The following ETS1 variants were observed in gnomAD, a reference collection of about 807,000 sequenced individuals.
ETS1 encodes ETS proto-oncogene 1, transcription factor, also known as protein C-ets-1.
ETS1 carries 15 observed loss-of-function variants against 58.6 expected under a neutral mutation model. The observed-to-expected ratio is 0.26, with a 90% CI of 0.17 to 0.39. The LOEUF is 0.39. Among genes scored for constraint, ETS1 ranks in the 10% least tolerant of loss-of-function variants. The pLI, the probability that ETS1 is intolerant of heterozygous loss-of-function variation, is 1.00. For missense variants in ETS1, 417 were observed against 610.5 expected, an observed-to-expected ratio of 0.68 and a Z score of 3.34; for synonymous variants, 214 against 218.2, an observed-to-expected ratio of 0.98 and a Z score of 0.17.
chr11:128,523,986 C>T (rs777125559), intron 3 of ETS1, among the ~76,000 whole-genome samples: 36 of 151,834 alleles, frequency 2.4e-4, no homozygotes, highest in Non-Finnish European at 4.6e-4. Flanking sequence ...AAGAAGTGAA[C>T]AAATCTAGAG....
chr11:128,486,637 C>T (rs1024714837), intron 5 of ETS1, among the ~76,000 whole-genome samples: 1 of 152,190 alleles, frequency 6.6e-6, no homozygotes, highest in Non-Finnish European at 1.5e-5. Flanking sequence ...TTGTATTTTT[C>T]CCATTGCCCT....
rs1013593204 is a variant in ETS1 at position 128,464,535 on chromosome 11, G to A, written c.1124-908C>T. Among the ~76,000 whole-genome samples the A allele has an allele frequency of 6.6e-6, 1 of 152,028 alleles. No homozygotes were observed. Among genetic ancestry groups the A allele is most frequent in the South Asian group, 2.1e-4 (1 of 4,812 alleles). On this transcript the variant is annotated intron_variant, in intron 8 of 9. Transcript: ENST00000392668. The surrounding 1 kb of genome is among the most constrained non-coding windows in gnomAD (Gnocchi z 4.1). ...CAGTGATTCTTAATTTATAGGTGTC[G>A]GTGGAGAGACAAATAGGGGTTCAAA...
At chr11:128,487,891 T>C (rs971073874) in intron 5 of ETS1, among the ~76,000 whole-genome samples, 11 of 148,670 alleles carry the variant, frequency 7.4e-5, no homozygotes, top group African/African-American at 2.7e-4. Flanking sequence ...ATCTCACAGT[T>C]ATTTTGATAA....
intron 6 of ETS1, 146 bp downstream of exon 6, chr11:128,485,923 T>C (rs1384202871): frequency 1.7e-6 from 1 of 602,656 alleles, no homozygotes; most frequent in Non-Finnish European, 3.0e-6. Context: ...TGGAAAATAA[T>C]AAAATAAAGT....
chr11:128,523,939 A>G (rs1162603553), intron 3 of ETS1, among the ~76,000 whole-genome samples: 3 of 152,200 alleles, frequency 2.0e-5, no homozygotes, highest in African/African-American at 7.2e-5. Context: ...AGGTTCTTGA[A>G]TCAATTCTGC....
At chr11:128,517,020 T>C (rs1238383019) in intron 3 of ETS1, among the ~76,000 whole-genome samples, 2 of 152,174 alleles carry the variant, frequency 1.3e-5, no homozygotes, top group African/African-American at 2.4e-5. Flanking sequence ...TGGAAGACGT[T>C]GCAAAAACAA....
chr11:128,522,462 G>A (rs1863710994), intron 3 of ETS1: 1 of 547,098 alleles, frequency 1.8e-6, no homozygotes, highest in East Asian at 1.5e-4. Flanking sequence ...GGGGCAGGGC[G>A]GGGAGCCGGG....
intron 2 of ETS1, among the ~76,000 whole-genome samples, chr11:128,569,318 C>CTTTGTTTTTTTTTTTTTTTTTTTTTT (rs1864575062): frequency 2.5e-5 from 1 of 39,460 alleles, no homozygotes; most frequent in Non-Finnish European, 4.5e-5. Context: ...AGAGTTTCTT[C>CTTTGTTTTTTTTTTTTTTTTTTTTTT]TTTTTTTTTT....
At chr11:128,557,055 G>C (rs1291421622) in intron 2 of ETS1, among the ~76,000 whole-genome samples, 1 of 152,148 alleles carries the variant, frequency 6.6e-6, no homozygotes, top group Non-Finnish European at 1.5e-5. Flanking sequence ...TACTCTCTAA[G>C]GAAGACAGAT....
chr11:128,585,193 G>GGAAAGAAAGAAA (rs764608182), intron 1 of ETS1, among the ~76,000 whole-genome samples: 380 of 15,676 alleles, frequency 0.024, 34 homozygotes, highest in East Asian at 0.12. Flanking sequence ...AAAGAAGGAA[G>GGAAAGAAAGAAA]GAAAGAAAGA....
chr11:128,501,550 T>C (rs1251332401), intron 3 of ETS1, among the ~76,000 whole-genome samples: 1 of 152,252 alleles, frequency 6.6e-6, no homozygotes, highest in African/African-American at 2.4e-5. Flanking sequence ...TTAGCCATCA[T>C]TCTCAGCTTT....
intron 5 of ETS1, 28 bp from the exon 6 acceptor site, chr11:128,486,174 A>G (rs1862627292): frequency 1.4e-6 from 2 of 1,416,374 alleles, no homozygotes; most frequent in Non-Finnish European, 2.0e-6. Context: ...GGAAGGAACA[A>G]AGAGGTCAAT....
chr11:128,522,484 G>A (rs929401019), intron 3 of ETS1: 37 of 418,254 alleles, frequency 8.8e-5, no homozygotes, highest in Non-Finnish European at 1.2e-4. Flanking sequence ...GCGGGGCCGA[G>A]CACCGCGGCC....
At chr11:128,468,858 T>C (rs1255718082) in intron 8 of ETS1, among the ~76,000 whole-genome samples, 1 of 152,212 alleles carries the variant, frequency 6.6e-6, no homozygotes, top group Non-Finnish European at 1.5e-5. Context: ...CAAAAAATTC[T>C]TTGCTGTTGA....
intron 3 of ETS1, among the ~76,000 whole-genome samples, chr11:128,498,253 T>TA (rs950044918): frequency 1.4e-4 from 21 of 150,708 alleles, no homozygotes; most frequent in African/African-American, 2.4e-4. Context: ...TATAAAGACT[T>TA]AAAAAAAAAG....
At chr11:128,503,997 A>G (rs2135486577) in intron 3 of ETS1, among the ~76,000 whole-genome samples, 1 of 152,346 alleles carries the variant, frequency 6.6e-6, no homozygotes, top group East Asian at 1.9e-4. Flanking sequence ...GGCCCCACAC[A>G]GTGCAGTAAA....
intron 3 of ETS1, chr11:128,526,630 C>T (rs1565397689): frequency 6.8e-6 from 2 of 293,704 alleles, no homozygotes; most frequent in Non-Finnish European, 1.3e-5. Context: ...AAAATCTCTT[C>T]AAGACCCTTC....
At position 128,556,382 on chromosome 11, in the gene ETS1, C is replaced by T. The variant is rs1176922249; in HGVS notation, c.123G>A (p.Gln41=). 1 of 1,613,436 alleles carries T rather than the reference C, an allele frequency of 6.2e-7. No individual in the cohort carries two copies. Among genetic ancestry groups the T allele is most frequent in the South Asian group, 1.1e-5 (1 of 91,052 alleles). The part of the protein sequence containing the change: ...YEDPRMNCGF[Q]SNYHQQRPCY... The stretch of plus-strand genomic sequence containing the variant: ...AAGGTCTTTGCTGGTGATAATTGGA[C>T]TGGAAACCACAGTTCATTCGAGGAT... The change falls in exon 3 of 10, where the codon CAG becomes CAA. Residue 41 remains glutamine (Q), a synonymous_variant. Transcript: ENST00000392668.
At chr11:128,520,400 C>T (rs1221121684) in intron 3 of ETS1, among the ~76,000 whole-genome samples, 3 of 152,170 alleles carry the variant, frequency 2.0e-5, no homozygotes, top group African/African-American at 7.2e-5. Flanking sequence ...CCCCCATAAA[C>T]ACCCATAACA....
Sources: allele counts gnomAD v4.1 joint callset (sites outside exome capture counted in the v4.1 genomes callset), GRCh38; gene constraint gnomAD v4.1.1; non-coding constraint Gnocchi (gnomAD v3.1); transcripts MANE v1.5; gene names NCBI Gene and HGNC (gene_info 2026-07-23, HGNC 2026-07-21).